CDK6: variants seen among roughly 807,000 people sequenced by gnomAD.
The protein encoded by CDK6 is cyclin-dependent kinase 6.
Under a neutral mutation model 37.1 loss-of-function variants are expected in CDK6, and 6 were observed. The ratio of observed to expected loss-of-function variants is 0.16; its 90% CI spans 0.09 to 0.32. The LOEUF is 0.32. Among genes scored for constraint, CDK6 ranks in the 10% least tolerant of loss-of-function variants. The pLI, the probability that CDK6 is intolerant of heterozygous loss-of-function variation, is 1.00. For synonymous variants in CDK6, 160 were observed against 161.3 expected (o/e 0.99, Z 0.06); for missense variants, 224 against 418.9 (o/e 0.53, Z 4.06).
At chr7:92,664,096 G>A (rs1179373113) in intron 5 of CDK6, among the ~76,000 whole-genome samples, 2 of 151,704 alleles carry the variant, frequency 1.3e-5, no homozygotes, top group East Asian at 1.9e-4. Flanking sequence ...AGCCAAGATC[G>A]TGCCACTGCA....
Position 92,744,593 on chromosome 7 carries a change from A to G in CDK6, c.370-18800T>C, listed in dbSNP as rs571653708. On this transcript the variant is annotated intron_variant, in intron 3 of 7. Coordinates refer to ENST00000424848, the MANE Select transcript of CDK6 (RefSeq NM_001145306.2). ...ACTTTACCTAATTTCCATTTACATCAGTTTACTCATTGGTAAATGGGAGGA... is the reference window on the plus strand; with the variant it reads ...ACTTTACCTAATTTCCATTTACATCGGTTTACTCATTGGTAAATGGGAGGA... Among the ~76,000 whole-genome samples the G allele has an allele frequency of 9.6e-4, 146 of 152,238 alleles. 1 individual carries two copies. In the South Asian group the frequency reaches 0.019, roughly 20 times the overall value.
chr7:92,829,903 C>T (rs777755226), intron 2 of CDK6, among the ~76,000 whole-genome samples: 5 of 152,234 alleles, frequency 3.3e-5, no homozygotes, highest in South Asian at 2.1e-4. Flanking sequence ...GCAAGTTCTA[C>T]AAGTGCGGAG....
At chr7:92,702,919 T>C (rs367661170) in intron 4 of CDK6, among the ~76,000 whole-genome samples, 81 of 152,268 alleles carry the variant, frequency 5.3e-4, no homozygotes, top group African/African-American at 1.9e-3. Context: ...TTGTAGGATG[T>C]TTAATGGTAT....
At chr7:92,747,675 T>C (rs1486905900) in intron 3 of CDK6, among the ~76,000 whole-genome samples, 3 of 152,222 alleles carry the variant, frequency 2.0e-5, no homozygotes, top group Non-Finnish European at 4.4e-5. Context: ...TTCCCTCTTC[T>C]GAATTCCTGT....
chr7:92,726,025 T>A (rs912328834), intron 3 of CDK6, among the ~76,000 whole-genome samples: 1 of 152,122 alleles, frequency 6.6e-6, no homozygotes, highest in Non-Finnish European at 1.5e-5. Flanking sequence ...GAAAGGACAA[T>A]TTTAAAATAG....
chr7:92,632,347 C>A (rs1239701700), intron 5 of CDK6, among the ~76,000 whole-genome samples: 1 of 152,066 alleles, frequency 6.6e-6, no homozygotes, highest in African/African-American at 2.4e-5. Context: ...CAAAATGGAA[C>A]CAAAAGTATC....
intron 4 of CDK6, among the ~76,000 whole-genome samples, chr7:92,679,139 T>C (rs1797274763): frequency 6.6e-6 from 1 of 152,172 alleles, no homozygotes; most frequent in African/African-American, 2.4e-5. Context: ...CTACTTGAGT[T>C]TGAGTGTGCC....
At chr7:92,680,687 C>T (rs1285888722) in intron 4 of CDK6, among the ~76,000 whole-genome samples, 1 of 152,134 alleles carries the variant, frequency 6.6e-6, no homozygotes, top group Admixed American at 6.5e-5. Context: ...TCTACAGCTG[C>T]CTTGGCTCAC....
chr7:92,605,735 TC>T lies in CDK6; in HGVS notation c.*9404del. ...ATGGTTGCTAGAGTGAGACAGCCCT[TC>T]CCCTCTTGCTATGTCTATACCATAC... On this transcript the variant is annotated 3_prime_UTR_variant, in exon 8 of 8. Coordinates refer to ENST00000424848, the MANE Select transcript of CDK6 (RefSeq NM_001145306.2). The T allele has an allele frequency of 4.3e-6, 1 of 233,220 alleles. No homozygotes were observed. Among genetic ancestry groups the T allele is most frequent in the East Asian group, 6.0e-5 (1 of 16,574 alleles). The allele number at this position is 233,220 out of a possible 1,614,324, so 14.4% of individuals were successfully genotyped here.
At chr7:92,815,140 T>C (rs1280057926) in intron 2 of CDK6, among the ~76,000 whole-genome samples, 3 of 152,162 alleles carry the variant, frequency 2.0e-5, no homozygotes, top group African/African-American at 7.2e-5. Flanking sequence ...TGTCTGTATA[T>C]AGGGTAACTG....
intron 3 of CDK6, among the ~76,000 whole-genome samples, chr7:92,737,356 C>T (rs953271559): frequency 3.3e-5 from 5 of 152,164 alleles, no homozygotes; most frequent in Non-Finnish European, 4.4e-5. Context: ...GTGGTCTGTT[C>T]TTAATTTTGA....
intron 4 of CDK6, among the ~76,000 whole-genome samples, chr7:92,676,832 G>A (rs528092329): frequency 6.6e-6 from 1 of 151,926 alleles, no homozygotes; most frequent in Non-Finnish European, 1.5e-5. Context: ...TCTGGTGGGC[G>A]CTTGTAGTCC....
intron 5 of CDK6, among the ~76,000 whole-genome samples, chr7:92,629,257 C>G (rs933138068): frequency 1.8e-4 from 28 of 152,054 alleles, no homozygotes; most frequent in African/African-American, 6.8e-4. Context: ...GTGCTGGCAT[C>G]CCTGTCCATA....
intron 2 of CDK6, among the ~76,000 whole-genome samples, chr7:92,801,255 A>T (rs1431805520): frequency 6.6e-6 from 1 of 152,192 alleles, no homozygotes; most frequent in Non-Finnish European, 1.5e-5. Flanking sequence ...GGAGCAGAGA[A>T]CAACTTTTAT....
intron 3 of CDK6, among the ~76,000 whole-genome samples, chr7:92,747,838 A>G (rs915502952): frequency 6.6e-6 from 1 of 152,224 alleles, no homozygotes; most frequent in African/African-American, 2.4e-5. Flanking sequence ...CTTACAGAAT[A>G]AATAAGATAT....
At chr7:92,679,248 T>C (rs1290163426) in intron 4 of CDK6, among the ~76,000 whole-genome samples, 3 of 152,246 alleles carry the variant, frequency 2.0e-5, no homozygotes, top group Non-Finnish European at 4.4e-5. Context: ...TTTTCTCATC[T>C]GTTAAAGAAG....
chr7:92,777,369 C>A (rs1271636504), intron 2 of CDK6, among the ~76,000 whole-genome samples: 3 of 152,170 alleles, frequency 2.0e-5, no homozygotes, highest in Non-Finnish European at 4.4e-5. Context: ...CTACTCCCAA[C>A]CCGAGTGGCT....
At chr7:92,777,890 T>C (rs1264872755) in intron 2 of CDK6, among the ~76,000 whole-genome samples, 1 of 152,198 alleles carries the variant, frequency 6.6e-6, no homozygotes. Context: ...CATTTGTTTA[T>C]GTCCTCTCTT....
At chr7:92,629,617 C>T (rs905895537) in intron 5 of CDK6, among the ~76,000 whole-genome samples, 2 of 152,198 alleles carry the variant, frequency 1.3e-5, no homozygotes, top group Admixed American at 1.3e-4. Context: ...CATTTCTAAT[C>T]ACTATGACAA....
Sources: gnomAD v4.1 joint callset for allele counts (sites outside exome capture counted in the v4.1 genomes callset) on GRCh38, gnomAD v4.1.1 for gene constraint, MANE v1.5 for transcripts, NCBI Gene and HGNC (gene_info 2026-07-23, HGNC 2026-07-21) for gene names.